Variants in ATP5F1A observed in about 807,000 individuals in gnomAD.
ATP5F1A encodes ATP synthase F1 subunit alpha, also known as ATP synthase F(1) complex subunit alpha, mitochondrial.
ATP5F1A carries 24 observed loss-of-function variants against 57.4 expected under a neutral mutation model. That is an observed-to-expected ratio of 0.42 (90% confidence interval 0.30 to 0.59). The LOEUF is 0.59. ATP5F1A is among the 20% of genes least tolerant of loss of function. ATP5F1A has a pLI of 0.19. For missense variants in ATP5F1A, 494 were observed against 707.9 expected (o/e 0.70, Z 3.43); for synonymous variants, 251 against 255.5 (o/e 0.98, Z 0.17).
chr18:46,099,147 C>T (rs1330232723), upstream of ATP5F1A, among the ~76,000 whole-genome samples: 3 of 152,168 alleles, frequency 2.0e-5, no homozygotes, highest in Non-Finnish European at 4.4e-5. Context: ...GAGTCATTGC[C>T]AATCCTACTG....
At chr18:46,098,513 T>A, upstream of ATP5F1A, 1 of 717,472 alleles carries the variant, frequency 1.4e-6, no homozygotes, top group Non-Finnish European at 1.7e-6. Flanking sequence ...ATTTTGGTCT[T>A]TTGAGTCGAC....
chr18:46,098,363 C>A (rs60623098), upstream of ATP5F1A: 23,608 of 640,758 alleles, frequency 0.037, 355 homozygotes, highest in African/African-American at 0.14. Context: ...CTCGCGTTCA[C>A]CACCTCTCCC....
At chr18:46,099,706 C>T (rs1166807711), upstream of ATP5F1A, among the ~76,000 whole-genome samples, 1 of 152,112 alleles carries the variant, frequency 6.6e-6, no homozygotes, top group African/African-American at 2.4e-5. Context: ...GTGATCCTTC[C>T]TCCTCAGCCT....
intron 1 of ATP5F1A, among the ~76,000 whole-genome samples, chr18:46,096,381 T>C (rs976658714): frequency 2.0e-5 from 3 of 150,760 alleles, no homozygotes; most frequent in Non-Finnish European, 4.4e-5. Context: ...ATGCCTGTAA[T>C]CCCAGCTACT....
rs1909679898 is a variant in ATP5F1A, at chr18:46,080,429, C to T, written c.*3853G>A. The T allele has an allele frequency of 6.6e-6, 1 of 152,162 alleles. No individual in the cohort carries two copies. The highest frequency in any genetic ancestry group is 1.5e-5 in the Non-Finnish European group (1 of 68,028). 9.4% of individuals were successfully genotyped at this position (152,162 alleles called of 1,614,324 possible). A position where few individuals can be genotyped will look rare whatever the true frequency, so the allele number is the denominator to read the frequency against. On this transcript the variant is annotated 3_prime_UTR_variant, in exon 12 of 12. Transcript: ENST00000398752. ...GGGCCACTTGGGCAGTGTATTTAGG[C>T]CTGCCTGGTTAAAAACAGCCAGGTG...
rs1462317648 is a variant in ATP5F1A at position 46,090,683 on chromosome 18, C to G, written c.310-687G>C. Reference sequence around the variant, plus strand: ...TCATTACACATCCAAAAACTTTAACCTACATCTCTGATGTTCAATACAGCA... The same window carrying G: ...TCATTACACATCCAAAAACTTTAACGTACATCTCTGATGTTCAATACAGCA... On this transcript the variant is annotated intron_variant, in intron 3 of 11. Transcript: ENST00000398752. 2.6e-5 allele frequency among the ~76,000 whole-genome samples: 4 copies of G among 152,260 alleles called. No individual in the cohort carries two copies. The East Asian group carries it at 7.7e-4, about 29-fold the overall frequency.
At chr18:46,095,418 C>G (rs1210589183) in intron 1 of ATP5F1A, among the ~76,000 whole-genome samples, 1 of 152,018 alleles carries the variant, frequency 6.6e-6, no homozygotes, top group Non-Finnish European at 1.5e-5. Context: ...ACCTCCTAGT[C>G]TCAAGCGATT....
chr18:46,094,288 G>A (rs1910783807), intron 2 of ATP5F1A, among the ~76,000 whole-genome samples: 1 of 151,764 alleles, frequency 6.6e-6, no homozygotes, highest in South Asian at 2.1e-4. Flanking sequence ...GTCTTCCTAT[G>A]CTTGCCTCCC....
chr18:46,097,000 A>AAAAAAAC (rs1911014320), intron 1 of ATP5F1A, among the ~76,000 whole-genome samples: 1 of 151,550 alleles, frequency 6.6e-6, no homozygotes, highest in African/African-American at 2.4e-5. Context: ...AAAAAAAAAA[A>AAAAAAAC]AAAAAACAAG....
At position 46,082,919 on chromosome 18, in the gene ATP5F1A, A is replaced by G. The variant is rs973692341; in HGVS notation, c.*1363T>C. Reference sequence around the variant, plus strand: ...CAAAATGTTAGCCGGGTGTGGTGGCATGGGCCTGTGGTCCCAGCTAATTGG... The same window carrying G: ...CAAAATGTTAGCCGGGTGTGGTGGCGTGGGCCTGTGGTCCCAGCTAATTGG... On this transcript the variant is annotated 3_prime_UTR_variant, in exon 12 of 12. Coordinates refer to ENST00000398752, the MANE Select transcript of ATP5F1A (RefSeq NM_004046.6). 1.3e-5 allele frequency: 2 copies of G among 151,850 alleles called. No individual in the cohort carries two copies. Among genetic ancestry groups the G allele is most frequent in the Non-Finnish European group, 2.9e-5 (2 of 67,990 alleles). 9.4% of individuals were successfully genotyped at this position (151,850 alleles called of 1,614,324 possible).
Position 46,083,814 on chromosome 18 carries a change from T to C in ATP5F1A, c.*468A>G, listed in dbSNP as rs1684907872. On this transcript the variant is annotated 3_prime_UTR_variant, in exon 12 of 12. Coordinates refer to ENST00000398752, the MANE Select transcript of ATP5F1A (RefSeq NM_004046.6). Reference sequence around the variant, plus strand: ...GCCTGGCCAACATGGTGAAACCCCGTCTCTACTAAAAATACTAAAAAACTA... The same window carrying C: ...GCCTGGCCAACATGGTGAAACCCCGCCTCTACTAAAAATACTAAAAAACTA... 2 of 152,870 alleles carry C rather than the reference T, an allele frequency of 1.3e-5. No homozygotes were observed. The highest frequency in any genetic ancestry group is 2.9e-5 in the Non-Finnish European group (2 of 68,826). 9.5% of individuals were successfully genotyped at this position (152,870 alleles called of 1,614,324 possible).
intron 6 of ATP5F1A, chr18:46,087,711 C>A (rs1910227507): frequency 1.9e-6 from 1 of 530,716 alleles, no homozygotes; most frequent in Non-Finnish European, 3.3e-6. Context: ...GAAACTCCGT[C>A]TCTACTAAAA....
intron 3 of ATP5F1A, 96 bp from the exon 4 acceptor site, chr18:46,090,092 G>GA: frequency 5.9e-6 from 3 of 512,010 alleles, no homozygotes; most frequent in South Asian, 2.9e-5. Flanking sequence ...GGGTGGGGGG[G>GA]GAAGCAGTAT....
chr18:46,086,978 TAACA>T (rs1184012328), intron 8 of ATP5F1A, 26 bp downstream of exon 8: 1 of 1,604,228 alleles, frequency 6.2e-7, no homozygotes. Context: ...AAATCTTTTT[TAACA>T]TTTCTTTTAA....
Position 46,084,479 on chromosome 18 carries a change from A to G in ATP5F1A, c.1580+25T>C. On this transcript the variant is annotated intron_variant, in intron 11 of 11. Transcript: ENST00000398752. The stretch of plus-strand genomic sequence containing the variant: ...CATATCTTAAACATAACTTTAAAAA[A>G]AGATGCCAACAATTGCATTCATACC... 1.9e-6 allele frequency: 3 copies of G among 1,577,868 alleles called. No individual in the cohort carries two copies. In the South Asian group the frequency reaches 3.5e-5, roughly 19 times the overall value.
chr18:46,089,301 C>G (rs1343215728), intron 5 of ATP5F1A: 1 of 412,350 alleles, frequency 2.4e-6, no homozygotes, highest in Non-Finnish European at 4.4e-6. Context: ...CCCCCTTCAT[C>G]TGGTGCCCAA....
At chr18:46,092,513 C>CAGAA (rs1910639612) in intron 2 of ATP5F1A, among the ~76,000 whole-genome samples, 1 of 151,286 alleles carries the variant, frequency 6.6e-6, no homozygotes, top group Non-Finnish European at 1.5e-5. Context: ...GAGGCTGAGA[C>CAGAA]AGAAGAACTG....
chr18:46,091,543 T>A, intron 3 of ATP5F1A, 139 bp downstream of exon 3: 1 of 931,756 alleles, frequency 1.1e-6, no homozygotes, highest in African/African-American at 1.7e-5. Flanking sequence ...CTCTTTACAA[T>A]CTATGATAAT....
upstream of ATP5F1A, chr18:46,099,269 AG>A (rs1466889963): frequency 6.6e-6 from 1 of 151,864 alleles, no homozygotes; most frequent in Non-Finnish European, 1.5e-5. Context: ...TTGGAGTCAA[AG>A]GGAGATGATG....
Sources: gnomAD v4.1 joint callset for allele counts (sites outside exome capture counted in the v4.1 genomes callset) on GRCh38, gnomAD v4.1.1 for gene constraint, MANE v1.5 for transcripts, NCBI Gene and HGNC (gene_info 2026-07-23, HGNC 2026-07-21) for gene names.